The following ZYG11B variants were observed in gnomAD, a reference collection of about 807,000 sequenced individuals.
The protein encoded by ZYG11B is protein zyg-11 homolog B.
A neutral mutation model predicts 82.4 loss-of-function variants in ZYG11B; 36 were observed. The observed-to-expected ratio is 0.44, with a 90% CI of 0.33 to 0.58. The LOEUF (loss-of-function observed/expected upper bound fraction) is 0.58. ZYG11B is among the 20% of genes least tolerant of loss of function. ZYG11B has a pLI of 0.02. For synonymous variants in ZYG11B, 303 were observed against 312.8 expected (o/e 0.97, Z 0.33); for missense variants, 552 against 895.6 (o/e 0.62, Z 4.90).
intron 13 of ZYG11B, among the ~76,000 whole-genome samples, chr1:52,820,217 G>T (rs1488430015): frequency 6.6e-6 from 1 of 151,628 alleles, no homozygotes; most frequent in Non-Finnish European, 1.5e-5. Flanking sequence ...CCCAGCCCCT[G>T]AATAATTTAT....
In ZYG11B at chr1:52,771,427, A is replaced by T; in HGVS notation, c.604A>T (p.Thr202Ser). ...DISNTSITDITALLACKDRLK... is the reference protein window; with the variant it reads ...DISNTSITDISALLACKDRLK... ...TTCTAACACCTCAATCACAGACATC[A>T]CTGCTCTACTGGCCTGCAAAGACCG... Residue 202 changes from threonine (T) to serine (S), a missense_variant, in exon 3 of 14, where the codon ACT becomes TCT. Thr to Ser is a moderately conservative substitution (Grantham distance 58). Around this residue, in one of 3 missense-constraint regions of ZYG11B, gnomAD observed 359 missense variants for 555.8 expected, o/e 0.65. Coordinates refer to ENST00000294353, the MANE Select transcript of ZYG11B (RefSeq NM_024646.3). This position sits in a 1 kb window ranked among gnomAD's most constrained non-coding sequence, Gnocchi z 5.4. The T allele has an allele frequency of 6.2e-7, 1 of 1,614,022 alleles. No individual in the cohort carries two copies.
At position 52,793,859 on chromosome 1, in the gene ZYG11B, T is replaced by TTTTC. The variant is rs1165915709; in HGVS notation, c.1335-2424_1335-2421dup. ...TCGGACAGGTTTCTTTCTTTCTTCC[T>TTTTC]TTTCTTTCTTTCCTTCCTTCCTTCC... On this transcript the variant is annotated intron_variant, in intron 6 of 13. Coordinates refer to ENST00000294353, the MANE Select transcript of ZYG11B (RefSeq NM_024646.3). Among the ~76,000 whole-genome samples, 149 of 112,860 alleles carry TTTTC rather than the reference T, an allele frequency of 1.3e-3. 1 individual carries two copies. The highest frequency in any genetic ancestry group is 3.7e-3 in the African/African-American group (91 of 24,822). The allele number at this position is 112,860 out of a possible 152,430, so 74.0% of individuals were successfully genotyped here. A position where few individuals can be genotyped will look rare whatever the true frequency, so the allele number is the denominator to read the frequency against.
intron 10 of ZYG11B, among the ~76,000 whole-genome samples, chr1:52,803,239 TACACACAC>T (rs764253745): frequency 3.3e-5 from 2 of 60,608 alleles, no homozygotes; most frequent in African/African-American, 1.7e-4. Context: ...CATATATATA[TACACACAC>T]ACATATATAT....
intron 1 of ZYG11B, among the ~76,000 whole-genome samples, chr1:52,741,825 A>G (rs1644433734): frequency 6.6e-6 from 1 of 152,126 alleles, no homozygotes; most frequent in South Asian, 2.1e-4. Context: ...TCATTTTACA[A>G]TCATGAAACT....
chr1:52,792,674 T>C (rs1644969538), intron 6 of ZYG11B, among the ~76,000 whole-genome samples: 1 of 152,332 alleles, frequency 6.6e-6, no homozygotes, highest in South Asian at 2.1e-4. Flanking sequence ...AATTGTTTTA[T>C]GTTGTTGAAA....
At chr1:52,817,777 G>GTGTGTATATATATATATATA (rs1352242565) in intron 13 of ZYG11B, among the ~76,000 whole-genome samples, 10 of 41,534 alleles carry the variant, frequency 2.4e-4, no homozygotes, top group Admixed American at 4.4e-4. Context: ...ATATATATGT[G>GTGTGTATATATATATATATA]TATATATATA....
chr1:52,783,421 C>T (rs1338499339), intron 4 of ZYG11B, among the ~76,000 whole-genome samples: 1 of 151,714 alleles, frequency 6.6e-6, no homozygotes, highest in Non-Finnish European at 1.5e-5. Context: ...TGAACAGCTT[C>T]CTTTCAGTAG....
intron 1 of ZYG11B, among the ~76,000 whole-genome samples, chr1:52,730,544 G>A (rs763093751): frequency 2.0e-5 from 3 of 152,146 alleles, no homozygotes; most frequent in Non-Finnish European, 2.9e-5. Flanking sequence ...GGCCAGGCTG[G>A]TACCAAACTT....
chr1:52,751,444 A>T lies in ZYG11B; in HGVS notation c.31-5014A>T, dbSNP rs1644523424. ...CAGGAATTTGAGACCAGCCTGGCCAACATGGTGAAACCCCGTCTCTACCAA... is the reference window on the plus strand; with the variant it reads ...CAGGAATTTGAGACCAGCCTGGCCATCATGGTGAAACCCCGTCTCTACCAA... On this transcript the variant is annotated intron_variant, in intron 1 of 13. Coordinates refer to ENST00000294353, the MANE Select transcript of ZYG11B (RefSeq NM_024646.3). Among the ~76,000 whole-genome samples the T allele has an allele frequency of 2.0e-5, 3 of 151,130 alleles. No individual in the cohort carries two copies. The South Asian group carries it at 6.4e-4, about 32-fold the overall frequency.
chr1:52,803,470 A>G (rs912781418), intron 10 of ZYG11B, among the ~76,000 whole-genome samples: 22 of 147,860 alleles, frequency 1.5e-4, no homozygotes, highest in Admixed American at 8.8e-4. Flanking sequence ...CAACACATAT[A>G]TGTGTGTGTG....
chr1:52,757,096 TAC>T (rs1644584994), intron 2 of ZYG11B, among the ~76,000 whole-genome samples: 2 of 151,304 alleles, frequency 1.3e-5, no homozygotes, highest in Non-Finnish European at 2.9e-5. Flanking sequence ...CAGGCTGGAG[TAC>T]AGTAGCACAA....
chr1:52,803,099 C>CACACATAT (rs1558139992), intron 10 of ZYG11B, among the ~76,000 whole-genome samples: 111 of 10,792 alleles, frequency 0.01, 9 homozygotes, highest in Non-Finnish European at 0.015. Context: ...TATATATATA[C>CACACATAT]ATATATATAT....
intron 10 of ZYG11B, among the ~76,000 whole-genome samples, chr1:52,803,200 A>C: frequency 1.2e-5 from 1 of 85,098 alleles, no homozygotes; most frequent in Non-Finnish European, 1.8e-5. Flanking sequence ...ACATATATAT[A>C]TATACACACA....
Position 52,776,229 on chromosome 1 carries a change from A to AAAATATATAT in ZYG11B, c.952-3623_952-3622insAATATATATA. ...AGCAAAACTCTGTCTTAAAAAAAAA[A>AAAATATATAT]ATATATATATATATATGCAATAAAG... is the stretch of plus-strand genomic sequence containing the variant. On this transcript the variant is annotated intron_variant, in intron 3 of 13. Transcript: ENST00000294353. 1.4e-3 allele frequency among the ~76,000 whole-genome samples: 32 copies of AAAATATATAT among 23,504 alleles called. 3 individuals carry two copies. Among genetic ancestry groups the AAAATATATAT allele is most frequent in the South Asian group, 2.4e-3 (1 of 422 alleles). 15.4% of individuals were successfully genotyped at this position (23,504 alleles called of 152,430 possible). A position where few individuals can be genotyped will look rare whatever the true frequency, so the allele number is the denominator to read the frequency against.
rs1644755748 is a variant in ZYG11B at position 52,771,978 on chromosome 1, G to T, written c.951+204G>T. On this transcript the variant is annotated intron_variant, in intron 3 of 13. Coordinates refer to ENST00000294353, the MANE Select transcript of ZYG11B (RefSeq NM_024646.3). This position sits in a 1 kb window ranked among gnomAD's most constrained non-coding sequence, Gnocchi z 5.4. The stretch of plus-strand genomic sequence containing the variant: ...TGTCACTTCGAGTTTTTATTTATTT[G>T]TAGAATAGATATTATTCTTACCTTG... Among the ~76,000 whole-genome samples, 1 of 152,088 alleles carries T rather than the reference G, an allele frequency of 6.6e-6. No homozygotes were observed. The highest frequency in any genetic ancestry group is 6.6e-5 in the Admixed American group (1 of 15,264).
intron 4 of ZYG11B, among the ~76,000 whole-genome samples, chr1:52,780,220 A>G (rs868485545): frequency 1.3e-5 from 2 of 152,326 alleles, no homozygotes; most frequent in Middle Eastern, 3.4e-3. Flanking sequence ...CTTGTAGTAC[A>G]TATTTATCTA....
intron 13 of ZYG11B, among the ~76,000 whole-genome samples, chr1:52,819,042 G>C (rs193118149): frequency 1.6e-4 from 24 of 152,194 alleles, no homozygotes; most frequent in Non-Finnish European, 2.5e-4. Flanking sequence ...CTCTCAAAGT[G>C]CTGGGATTAC....
In ZYG11B at chr1:52,756,440, T is replaced by G. The variant is rs1012317894; in HGVS notation, c.31-18T>G. The G allele has an allele frequency of 4.4e-6, 7 of 1,593,518 alleles. No homozygotes were observed. Among genetic ancestry groups the G allele is most frequent in the Admixed American group, 1.8e-5 (1 of 55,908 alleles). ...GTTGGTTTTTGTGTTTCTTTTATATTTTTCCCTGGGCTCCAAGGAGGAGGC... is the reference window on the plus strand; with the variant it reads ...GTTGGTTTTTGTGTTTCTTTTATATGTTTCCCTGGGCTCCAAGGAGGAGGC... On this transcript the variant is annotated intron_variant, in intron 1 of 13. Coordinates refer to ENST00000294353, the MANE Select transcript of ZYG11B (RefSeq NM_024646.3).
chr1:52,786,388 TTAAG>T (rs1315321130), intron 5 of ZYG11B, among the ~76,000 whole-genome samples: 5 of 152,260 alleles, frequency 3.3e-5, no homozygotes, highest in African/African-American at 9.6e-5. Flanking sequence ...ATTGTACACT[TTAAG>T]TAGGTGAATC....
Sources: allele counts gnomAD v4.1 joint callset (sites outside exome capture counted in the v4.1 genomes callset), GRCh38; gene constraint gnomAD v4.1.1; regional missense constraint gnomAD v4.1.1; non-coding constraint Gnocchi (gnomAD v3.1); transcripts MANE v1.5; gene names NCBI Gene and HGNC (gene_info 2026-07-23, HGNC 2026-07-21).